Variants in SPON2 observed in about 807,000 individuals in gnomAD.
SPON2 encodes spondin-2.
In SPON2, 32 loss-of-function variants were observed where a neutral mutation model predicts 29.9. The observed-to-expected ratio is 1.07, with a 90% CI of 0.81 to 1.44. The LOEUF is 1.44. Among genes scored for constraint, SPON2 ranks in the 40% most tolerant of loss-of-function variants. The probability of loss-of-function intolerance (pLI) is 0.00; values close to 1 mark genes in which losing one functional copy is unlikely to be tolerated. For missense variants in SPON2, 541 were observed against 455.5 expected, an observed-to-expected ratio of 1.19 and a Z score of -1.71; for synonymous variants, 248 against 209.1, an observed-to-expected ratio of 1.19 and a Z score of -1.61.
intron 2 of SPON2, 179 bp downstream of exon 2, chr4:1,171,673 C>T (rs544420651): frequency 1.3e-6 from 1 of 761,346 alleles, no homozygotes; most frequent in Non-Finnish European, 2.1e-6. Flanking sequence ...GTGAGCGCCC[C>T]CTGCCCCCAC....
intron 1 of SPON2, chr4:1,200,720 G>T: frequency 2.3e-6 from 1 of 434,686 alleles, no homozygotes. Flanking sequence ...GGACATCGCT[G>T]GACGGGGTGG....
chr4:1,168,842 C>G (rs529826150), intron 5 of SPON2, among the ~76,000 whole-genome samples: 45 of 152,352 alleles, frequency 3.0e-4, no homozygotes, highest in Middle Eastern at 3.4e-3. Flanking sequence ...GAAGCCAGAG[C>G]TGAGCCAGGC....
intron 2 of SPON2, among the ~76,000 whole-genome samples, chr4:1,178,223 C>A (rs374664109): frequency 6.7e-6 from 1 of 149,100 alleles, no homozygotes; most frequent in Admixed American, 6.6e-5. Flanking sequence ...ACCACGGGCT[C>A]TGCACACACC....
rs758752917 is a variant in SPON2, at chr4:1,167,588, C to A, written c.880G>T (p.Gly294Trp). The A allele has an allele frequency of 6.2e-7, 1 of 1,613,594 alleles. No individual in the cohort carries two copies. The highest frequency in any genetic ancestry group is 2.2e-5 in the East Asian group (1 of 44,882). The change falls in exon 6 of 6, where the codon GGG becomes TGG. Residue 294 changes from glycine (G) to tryptophan (W), a missense_variant. By Grantham distance (184) the Gly-to-Trp change is radical. Transcript: ENST00000290902. ...GTCCTGCTCTTGGTCCCGAGCCTCC[C>A]ACAGTGGCCTCCGCACAGTCCCCAG... Reference protein sequence around the residue: ...SSWGLCGGHCGRLGTKSRTRY... With the variant: ...SSWGLCGGHCWRLGTKSRTRY...
chr4:1,179,878 TCTC>T (rs1727673650), intron 1 of SPON2, among the ~76,000 whole-genome samples: 2 of 152,058 alleles, frequency 1.3e-5, no homozygotes, highest in Non-Finnish European at 2.9e-5. Context: ...TGAAAAGACT[TCTC>T]CTGGGGCTAT....
upstream of SPON2, among the ~76,000 whole-genome samples, chr4:1,196,415 G>A (rs561181866): frequency 2.7e-4 from 41 of 152,314 alleles, no homozygotes; most frequent in African/African-American, 7.5e-4. Flanking sequence ...AAGCAGCTGC[G>A]GGAAGTGCAC....
At chr4:1,183,399 TATAAAGAA>T (rs1407478251) in intron 1 of SPON2, among the ~76,000 whole-genome samples, 1 of 152,218 alleles carries the variant, frequency 6.6e-6, no homozygotes, top group African/African-American at 2.4e-5. Context: ...CTTGAAGCTA[TATAAAGAA>T]ATAAAGATCT....
chr4:1,171,208 C>G lies in SPON2; in HGVS notation c.445-18G>C. ...AACGAGACCTGCGGCGACAGCGGCTCAGCGCGCCTGGCCCCGGCCCCCCGG... is the reference window on the plus strand; with the variant it reads ...AACGAGACCTGCGGCGACAGCGGCTGAGCGCGCCTGGCCCCGGCCCCCCGG... On this transcript the variant is annotated intron_variant, in intron 3 of 5. Coordinates refer to ENST00000290902, the MANE Select transcript of SPON2 (RefSeq NM_012445.4). 1 of 1,476,468 alleles carries G rather than the reference C, an allele frequency of 6.8e-7. No homozygotes were observed. The highest frequency in any genetic ancestry group is 8.9e-7 in the Non-Finnish European group (1 of 1,122,582). The allele number at this position is 1,476,468 out of a possible 1,614,324, so 91.5% of individuals were successfully genotyped here.
upstream of SPON2, among the ~76,000 whole-genome samples, chr4:1,197,496 C>A (rs1029117868): frequency 2.0e-5 from 3 of 152,056 alleles, no homozygotes; most frequent in African/African-American, 7.2e-5. Flanking sequence ...CCATAAATAT[C>A]GAGGACTCAG....
At chr4:1,201,289 G>T (rs777583660) in intron 1 of SPON2, 3 of 377,772 alleles carry the variant, frequency 7.9e-6, no homozygotes, top group Non-Finnish European at 1.6e-5. Flanking sequence ...TGTCCCGGCC[G>T]TGAGTCCCCA....
chr4:1,182,667 GAAGA>G (rs1417218534), intron 1 of SPON2, among the ~76,000 whole-genome samples: 19 of 152,138 alleles, frequency 1.2e-4, no homozygotes, highest in Admixed American at 1.2e-3. Context: ...GAGAACATTT[GAAGA>G]AATAATAGTT....
chr4:1,200,967 G>A (rs1336448992), intron 1 of SPON2: 5 of 456,756 alleles, frequency 1.1e-5, no homozygotes, highest in African/African-American at 2.0e-5. Context: ...AGACCTGTAC[G>A]CCAGGGCCTT....
Position 1,171,365 on chromosome 4 carries a change from C to T in SPON2, c.342G>A (p.Gly114=), listed in dbSNP as rs1412831188. Residue 114 remains glycine (G), a synonymous_variant, in exon 3 of 6, where the codon GGG becomes GGA. Coordinates refer to ENST00000290902, the MANE Select transcript of SPON2 (RefSeq NM_012445.4). ...WALMKEIEAA[G]EALQSVHAVF... is the part of the protein sequence containing the mutation. ...CCGCGTGCACGCTCTGCAGCGCCTC[C>T]CCCGCCGCCTCGATCTCCTTCATCA... is the stretch of plus-strand genomic sequence containing the variant. The T allele has an allele frequency of 6.2e-7, 1 of 1,611,696 alleles. No homozygotes were observed. Among genetic ancestry groups the T allele is most frequent in the Admixed American group, 1.7e-5 (1 of 60,006 alleles).
chr4:1,182,385 A>G (rs1217271128), intron 1 of SPON2, among the ~76,000 whole-genome samples: 1 of 152,202 alleles, frequency 6.6e-6, no homozygotes, highest in African/African-American at 2.4e-5. Context: ...ATATTCATAA[A>G]AAGATATAAA....
chr4:1,167,407 G>A lies in SPON2; in HGVS notation c.*65C>T, dbSNP rs1217126450. The A allele has an allele frequency of 6.6e-6, 10 of 1,515,186 alleles. No individual in the cohort carries two copies. Among genetic ancestry groups the A allele is most frequent in the East Asian group, 2.3e-5 (1 of 44,122 alleles). 93.9% of individuals were successfully genotyped at this position (1,515,186 alleles called of 1,614,324 possible). A position where few individuals can be genotyped will look rare whatever the true frequency, so the allele number is the denominator to read the frequency against. ...GTGCCCTCGGCCGCCTGCAGCATGA[G>A]CCTGCACAGGAGCCCCCGACACCCC... On this transcript the variant is annotated 3_prime_UTR_variant, in exon 6 of 6. Transcript: ENST00000290902.
chr4:1,176,678 A>C (rs934687646), upstream of SPON2, among the ~76,000 whole-genome samples: 3 of 151,936 alleles, frequency 2.0e-5, no homozygotes, highest in Non-Finnish European at 2.9e-5. Flanking sequence ...ACATTCATTC[A>C]ATCATCCATT....
chr4:1,194,352 G>C (rs978596979), intron 1 of SPON2, among the ~76,000 whole-genome samples: 2 of 152,198 alleles, frequency 1.3e-5, no homozygotes, highest in South Asian at 2.1e-4. Context: ...CTTCAGAGGC[G>C]GTTCAAGGAG....
At chr4:1,180,189 G>A (rs1049663661) in intron 1 of SPON2, among the ~76,000 whole-genome samples, 18 of 152,146 alleles carry the variant, frequency 1.2e-4, no homozygotes, top group Admixed American at 6.5e-5. Context: ...CTGCCCGACT[G>A]AGTGTTGAAA....
chr4:1,180,855 G>T (rs751098780), intron 1 of SPON2, among the ~76,000 whole-genome samples: 2 of 152,082 alleles, frequency 1.3e-5, no homozygotes, highest in Non-Finnish European at 2.9e-5. Context: ...AGAATGAAGA[G>T]AACTGACCAG....
Sources: allele counts gnomAD v4.1 joint callset (sites outside exome capture counted in the v4.1 genomes callset), GRCh38; gene constraint gnomAD v4.1.1; transcripts MANE v1.5; gene names NCBI Gene and HGNC (gene_info 2026-07-23, HGNC 2026-07-21).